The following CCDC192 variants were observed in gnomAD, a reference collection of about 807,000 sequenced individuals.
CCDC192 encodes the protein coiled-coil domain containing 192, also known as coiled-coil domain-containing protein 192.
intron 2 of CCDC192, among the ~76,000 whole-genome samples, chr5:127,709,411 A>G (rs1401059715): frequency 6.6e-6 from 1 of 152,180 alleles, no homozygotes; most frequent in Non-Finnish European, 1.5e-5. Context: ...TGGGAATTAT[A>G]ATTCAACATG....
At chr5:127,770,832 T>C (rs1755508858) in intron 3 of CCDC192, among the ~76,000 whole-genome samples, 2 of 152,154 alleles carry the variant, frequency 1.3e-5, no homozygotes, top group South Asian at 4.1e-4. Flanking sequence ...GAAATGCATA[T>C]TATGTATAGG....
chr5:127,732,867 G>A (rs1752719538), intron 2 of CCDC192, among the ~76,000 whole-genome samples: 1 of 152,146 alleles, frequency 6.6e-6, no homozygotes, highest in Non-Finnish European at 1.5e-5. Flanking sequence ...AGGAAGGAGA[G>A]CATCAGGGTA....
At chr5:127,822,530 G>GA (rs1457622887) in intron 5 of CCDC192, among the ~76,000 whole-genome samples, 1 of 152,078 alleles carries the variant, frequency 6.6e-6, no homozygotes, top group Admixed American at 6.5e-5. Flanking sequence ...TGGCTAAAAA[G>GA]AAAAAGAAAA....
intron 2 of CCDC192, among the ~76,000 whole-genome samples, chr5:127,751,013 C>T (rs1754128179): frequency 6.8e-6 from 1 of 146,628 alleles, no homozygotes; most frequent in African/African-American, 2.5e-5. Flanking sequence ...TGTGTCTCTG[C>T]ACGTGAGATG....
At chr5:127,890,199 C>T (rs1453191967) in intron 6 of CCDC192, among the ~76,000 whole-genome samples, 1 of 151,850 alleles carries the variant, frequency 6.6e-6, no homozygotes, top group Non-Finnish European at 1.5e-5. Flanking sequence ...ATAGTGAGAC[C>T]CCATTTCTAC....
intron 6 of CCDC192, among the ~76,000 whole-genome samples, chr5:127,934,345 A>G (rs1200847982): frequency 6.6e-6 from 1 of 152,224 alleles, no homozygotes; most frequent in African/African-American, 2.4e-5. Context: ...TCATTATATT[A>G]TCAAAAGTTT....
At chr5:127,896,058 G>C (rs1057191364) in intron 6 of CCDC192, among the ~76,000 whole-genome samples, 6 of 152,108 alleles carry the variant, frequency 3.9e-5, no homozygotes, top group African/African-American at 1.4e-4. Context: ...AAGAGATTCT[G>C]AATAAGTATG....
At chr5:127,774,045 GC>G (rs532478007) in intron 3 of CCDC192, among the ~76,000 whole-genome samples, 2 of 152,058 alleles carry the variant, frequency 1.3e-5, no homozygotes, top group Non-Finnish European at 2.9e-5. Flanking sequence ...GTGCTTCTTG[GC>G]CATTTGTGTG....
intron 5 of CCDC192, among the ~76,000 whole-genome samples, chr5:127,870,727 T>C (rs1246372515): frequency 2.6e-5 from 4 of 152,168 alleles, no homozygotes; most frequent in South Asian, 2.1e-4. Context: ...AAAAAGAACA[T>C]ACATGACACA....
At chr5:127,734,778 G>A (rs1417125419) in intron 2 of CCDC192, among the ~76,000 whole-genome samples, 6 of 150,210 alleles carry the variant, frequency 4.0e-5, no homozygotes, top group Non-Finnish European at 7.4e-5. Context: ...GGGGTTGTTT[G>A]TTTTTTTCTT....
At chr5:127,893,018 C>T (rs1752775338) in intron 6 of CCDC192, among the ~76,000 whole-genome samples, 1 of 152,152 alleles carries the variant, frequency 6.6e-6, no homozygotes, top group African/African-American at 2.4e-5. Context: ...TATCTGAAAA[C>T]ATCCAAAGGG....
intron 5 of CCDC192, among the ~76,000 whole-genome samples, chr5:127,865,505 G>T (rs1751571327): frequency 6.6e-6 from 1 of 151,724 alleles, no homozygotes; most frequent in Admixed American, 6.6e-5. Flanking sequence ...AGGTGCTTCA[G>T]GAAAGCTGAA....
At chr5:127,907,555 G>C (rs952022327) in intron 6 of CCDC192, among the ~76,000 whole-genome samples, 1 of 151,998 alleles carries the variant, frequency 6.6e-6, no homozygotes, top group East Asian at 1.9e-4. Context: ...TCTATTCAAA[G>C]TTTTGCTTTT....
intron 6 of CCDC192, among the ~76,000 whole-genome samples, chr5:127,897,390 C>A (rs1264903136): frequency 6.6e-6 from 1 of 151,976 alleles, no homozygotes; most frequent in African/African-American, 2.4e-5. Flanking sequence ...GCAAAAGTAG[C>A]ACCAGATAAA....
intron 6 of CCDC192, among the ~76,000 whole-genome samples, chr5:127,877,136 G>A (rs535706675): frequency 2.0e-5 from 3 of 151,842 alleles, no homozygotes; most frequent in East Asian, 1.9e-4. Context: ...TTTTAAACCC[G>A]GTGCAAAAAT....
chr5:127,739,008 G>A (rs1753215964), intron 2 of CCDC192, among the ~76,000 whole-genome samples: 1 of 152,064 alleles, frequency 6.6e-6, no homozygotes. Context: ...GAGGCGCTCT[G>A]CTTTTTAGAG....
At chr5:127,707,447 C>A in intron 1 of CCDC192, among the ~76,000 whole-genome samples, 1 of 150,908 alleles carries the variant, frequency 6.6e-6, no homozygotes, top group African/African-American at 2.4e-5. Flanking sequence ...TTCAGGTTTT[C>A]AGAACAGATT....
chr5:127,817,331 G>A (rs1026679283), intron 5 of CCDC192, among the ~76,000 whole-genome samples: 2 of 152,108 alleles, frequency 1.3e-5, no homozygotes, highest in African/African-American at 4.8e-5. Flanking sequence ...CCACACAAAA[G>A]CTTGCACAAA....
chr5:127,793,998 G>T (rs1197039960), intron 3 of CCDC192, among the ~76,000 whole-genome samples: 1 of 152,110 alleles, frequency 6.6e-6, no homozygotes, highest in East Asian at 1.9e-4. Context: ...TTTTTCTATT[G>T]TTTACTCTTC....
Sources: gnomAD v4.1 joint callset for allele counts (sites outside exome capture counted in the v4.1 genomes callset) on GRCh38, gnomAD v4.1.1 for gene constraint, MANE v1.5 for transcripts, NCBI Gene and HGNC (gene_info 2026-07-23, HGNC 2026-07-21) for gene names.